WTAP: variants seen among roughly 807,000 people sequenced by gnomAD.
The protein encoded by WTAP is pre-mRNA-splicing regulator WTAP.
Under a neutral mutation model 50.0 loss-of-function variants are expected in WTAP, and 8 were observed. The observed-to-expected ratio is 0.16, with a 90% CI of 0.09 to 0.29. The LOEUF (loss-of-function observed/expected upper bound fraction) is 0.29, where lower values mean the gene tolerates loss of function less well. Ranked by LOEUF, WTAP falls within the 10% of genes least tolerant of loss-of-function variation. WTAP has a pLI of 1.00. For missense variants in WTAP, 295 were observed against 470.7 expected (o/e 0.63, Z 3.45); for synonymous variants, 194 against 169.0 (o/e 1.15, Z -1.15).
chr6:159,750,318 T>C (rs1486169826), intron 6 of WTAP, among the ~76,000 whole-genome samples: 1 of 152,252 alleles, frequency 6.6e-6, no homozygotes, highest in Non-Finnish European at 1.5e-5. Flanking sequence ...GGCATCTTTC[T>C]TTGACACTTA....
At chr6:159,729,587 A>ATT (rs1169273745) in intron 1 of WTAP, among the ~76,000 whole-genome samples, 1 of 152,128 alleles carries the variant, frequency 6.6e-6, no homozygotes, top group Non-Finnish European at 1.5e-5. Flanking sequence ...AATCTATAGC[A>ATT]TTTTTATTGT....
chr6:159,749,207 C>A, intron 6 of WTAP: 1 of 985,800 alleles, frequency 1.0e-6, no homozygotes, highest in African/African-American at 1.7e-5. Flanking sequence ...GCATTATAAA[C>A]ATTCATTTCA....
intron 5 of WTAP, among the ~76,000 whole-genome samples, chr6:159,747,272 T>C (rs996065456): frequency 6.6e-6 from 1 of 152,182 alleles, no homozygotes; most frequent in Non-Finnish European, 1.5e-5. Flanking sequence ...GAAGTCGAAA[T>C]TGAAGGTTTC....
Position 159,748,480 on chromosome 6 carries a change from C to A in WTAP, c.452+111C>A. 1.3e-6 allele frequency: 2 copies of A among 1,502,560 alleles called. No homozygotes were observed. Among genetic ancestry groups the A allele is most frequent in the African/African-American group, 1.4e-5 (1 of 70,352 alleles). 93.1% of individuals were successfully genotyped at this position (1,502,560 alleles called of 1,614,324 possible). ...CACACCAAGACTCAGACTTTTTGAG[C>A]CAAAAAAAAGCCACATTCTTACACT... On this transcript the variant is annotated intron_variant, in intron 6 of 7. Coordinates refer to ENST00000621533, the MANE Select transcript of WTAP (RefSeq NM_001270531.2). The surrounding 1 kb of genome is among the most constrained non-coding windows in gnomAD (Gnocchi z 5.6).
chr6:159,735,753 A>G (rs1184502292), intron 1 of WTAP, among the ~76,000 whole-genome samples: 1 of 152,106 alleles, frequency 6.6e-6, no homozygotes, highest in African/African-American at 2.4e-5. Flanking sequence ...TGTCTCAAAA[A>G]AAATAAAAAT....
chr6:159,747,461 G>A (rs1369255164), intron 5 of WTAP, among the ~76,000 whole-genome samples: 2 of 152,020 alleles, frequency 1.3e-5, no homozygotes, highest in South Asian at 2.1e-4. Flanking sequence ...TCTATGATTC[G>A]GATCTATTCA....
intron 3 of WTAP, among the ~76,000 whole-genome samples, chr6:159,739,460 G>A (rs917055785): frequency 6.6e-6 from 1 of 152,170 alleles, no homozygotes; most frequent in African/African-American, 2.4e-5. Context: ...AGTTGAAGAG[G>A]TTGGGTTAAG....
chr6:159,736,159 G>T, intron 1 of WTAP, 99 bp from the exon 2 acceptor site: 1 of 1,139,862 alleles, frequency 8.8e-7, no homozygotes, highest in Admixed American at 2.2e-5. Flanking sequence ...CAGTAATTTA[G>T]TTCACTAATA....
At chr6:159,736,050 TC>T (rs1778893229) in intron 1 of WTAP, among the ~76,000 whole-genome samples, 2 of 152,280 alleles carry the variant, frequency 1.3e-5, no homozygotes, top group African/African-American at 4.8e-5. Flanking sequence ...CAAAGGAAGA[TC>T]TGGGTACAGA....
At chr6:159,749,504 G>A in intron 6 of WTAP, 1 of 936,754 alleles carries the variant, frequency 1.1e-6, no homozygotes, top group Non-Finnish European at 1.3e-6. Context: ...GGGGCGGGGA[G>A]GGCCTGTTGA....
intron 3 of WTAP, among the ~76,000 whole-genome samples, chr6:159,740,543 T>C (rs1779189879): frequency 1.3e-5 from 2 of 152,172 alleles, no homozygotes; most frequent in East Asian, 1.9e-4. Context: ...TTTTATAGCC[T>C]CCACTGAAGA....
Position 159,755,447 on chromosome 6 carries a change from A to G in WTAP, c.1027A>G (p.Thr343Ala), listed in dbSNP as rs149103382. Residue 343 changes from threonine (T) to alanine (A), a missense_variant, in exon 8 of 8, where the codon ACG becomes GCG. Coordinates refer to ENST00000621533, the MANE Select transcript of WTAP (RefSeq NM_001270531.2). Reference protein sequence around the residue: ...SAGYESVDSPTGSENSLTHQS... With the variant: ...SAGYESVDSPAGSENSLTHQS... Reference sequence around the variant, plus strand: ...GGGGTATGAAAGTGTAGACTCTCCCACGGGCAGTGAAAACTCTCTCACACA... The same window carrying G: ...GGGGTATGAAAGTGTAGACTCTCCCGCGGGCAGTGAAAACTCTCTCACACA... The G allele has an allele frequency of 3.7e-4, 603 of 1,614,070 alleles. No individual in the cohort carries two copies. Among genetic ancestry groups the G allele is most frequent in the Non-Finnish European group, 4.9e-4 (582 of 1,180,012 alleles).
intron 1 of WTAP, among the ~76,000 whole-genome samples, chr6:159,728,467 C>G (rs563371885): frequency 6.6e-6 from 1 of 152,268 alleles, no homozygotes; most frequent in East Asian, 1.9e-4. Flanking sequence ...GGAAATACTT[C>G]TATGAGTATG....
intron 2 of WTAP, 45 bp from the exon 3 acceptor site, chr6:159,738,944 TG>T: frequency 6.9e-7 from 1 of 1,453,030 alleles, no homozygotes; most frequent in Non-Finnish European, 9.6e-7. Context: ...TAGAACTTTG[TG>T]TCTTCAGGAA....
upstream of WTAP, chr6:159,727,384 C>CGGGAGGCGGGAGGG (rs1562446884): frequency 1.9e-6 from 1 of 517,780 alleles, no homozygotes; most frequent in Non-Finnish European, 2.7e-6. Context: ...TGGCGGGAGG[C>CGGGAGGCGGGAGGG]GGGAGGCGGG....
At position 159,727,709 on chromosome 6, in the gene WTAP, C is replaced by T. The variant is rs2475566; in HGVS notation, c.-9+6C>T. 777,137 of 984,826 alleles carry T rather than the reference C, an allele frequency of 0.79. 307,107 individuals are homozygous for T. The highest frequency in any genetic ancestry group is 0.85 in the South Asian group (18,111 of 21,288). The allele number at this position is 984,826 out of a possible 1,614,324, so 61.0% of individuals were successfully genotyped here. A position where few individuals can be genotyped will look rare whatever the true frequency, so the allele number is the denominator to read the frequency against. Reference sequence around the variant, plus strand: ...CGCGGCTTCTGCCTGGAGAGGTAGGCGCGGGCCGGCTGGCGGGAGCGGACG... The same window carrying T: ...CGCGGCTTCTGCCTGGAGAGGTAGGTGCGGGCCGGCTGGCGGGAGCGGACG... On this transcript the variant is annotated splice_donor_region_variant and intron_variant, in intron 1 of 7. Coordinates refer to ENST00000621533, the MANE Select transcript of WTAP (RefSeq NM_001270531.2).
At chr6:159,753,154 C>T (rs941512574) in intron 6 of WTAP, among the ~76,000 whole-genome samples, 7 of 152,094 alleles carry the variant, frequency 4.6e-5, no homozygotes, top group Admixed American at 4.6e-4. Context: ...TTAACTGGCT[C>T]TGTTTCCATT....
chr6:159,734,321 C>T (rs13206677), intron 1 of WTAP, among the ~76,000 whole-genome samples: 1,505 of 148,754 alleles, frequency 0.01, 18 homozygotes, highest in Non-Finnish European at 0.015. Flanking sequence ...CCTCAAGTAG[C>T]TTTCGAGATG....
At chr6:159,740,953 C>T (rs556491184) in intron 3 of WTAP, among the ~76,000 whole-genome samples, 73 of 152,086 alleles carry the variant, frequency 4.8e-4, no homozygotes, top group African/African-American at 1.6e-3. Flanking sequence ...CTGCCCGCCT[C>T]GGCCTCCCAA....
Sources: allele counts gnomAD v4.1 joint callset (sites outside exome capture counted in the v4.1 genomes callset), GRCh38; gene constraint gnomAD v4.1.1; non-coding constraint Gnocchi (gnomAD v3.1); transcripts MANE v1.5; gene names NCBI Gene and HGNC (gene_info 2026-07-23, HGNC 2026-07-21).